The following TRPS1 variants were observed in gnomAD, a reference collection of about 807,000 sequenced individuals.
TRPS1 encodes zinc finger transcription factor Trps1.
In TRPS1, 6 loss-of-function variants were observed where a neutral mutation model predicts 101.2. The observed-to-expected ratio is 0.06, with a 90% CI of 0.03 to 0.12. The LOEUF (loss-of-function observed/expected upper bound fraction) is 0.12, where lower values mean the gene tolerates loss of function less well. Ranked by LOEUF, TRPS1 falls within the 10% of genes least tolerant of loss-of-function variation. The pLI is 1.00. For missense variants in TRPS1, 1,363 were observed against 1,567.0 expected (o/e 0.87, Z 2.20); for synonymous variants, 578 against 589.8 (o/e 0.98, Z 0.29).
chr8:115,436,425 G>A lies in TRPS1; in HGVS notation c.2701-17973C>T, dbSNP rs545965530. 2.9e-4 allele frequency among the ~76,000 whole-genome samples: 44 copies of A among 152,286 alleles called. 1 individual carries two copies. The South Asian group carries it at 8.9e-3, about 31-fold the overall frequency. On this transcript the variant is annotated intron_variant, in intron 5 of 6. Transcript: ENST00000395715. ...CACTTTCTTGAGAGGTCAAACCAAT[G>A]TCCTCAAATAGGGTCTTGTTGGGCA...
intron 5 of TRPS1, among the ~76,000 whole-genome samples, chr8:115,576,184 A>G (rs1483458423): frequency 6.6e-6 from 1 of 152,004 alleles, no homozygotes; most frequent in Admixed American, 6.6e-5. Flanking sequence ...AAATAATACA[A>G]TTTTTGAAGC....
intron 4 of TRPS1, among the ~76,000 whole-genome samples, chr8:115,587,937 A>G (rs1042995764): frequency 6.6e-6 from 1 of 152,210 alleles, no homozygotes; most frequent in Non-Finnish European, 1.5e-5. Context: ...GGTTAGTTTG[A>G]ATTACTGTTA....
intron 1 of TRPS1, among the ~76,000 whole-genome samples, chr8:115,636,313 T>C (rs1038069519): frequency 1.3e-5 from 2 of 152,196 alleles, no homozygotes; most frequent in African/African-American, 4.8e-5. Flanking sequence ...GGTTTTAAAA[T>C]CACTCTTGTC....
chr8:115,531,061 C>T (rs1816119126), intron 5 of TRPS1, among the ~76,000 whole-genome samples: 1 of 151,892 alleles, frequency 6.6e-6, no homozygotes, highest in Non-Finnish European at 1.5e-5. Context: ...TACATGTACC[C>T]TAGAACTTAA....
intron 6 of TRPS1, among the ~76,000 whole-genome samples, chr8:115,415,633 C>G (rs995519075): frequency 6.6e-6 from 1 of 152,026 alleles, no homozygotes; most frequent in Non-Finnish European, 1.5e-5. Context: ...GGGTGGGGCC[C>G]TAATCCAATG....
At chr8:115,619,068 A>G (rs1182158284) in intron 3 of TRPS1, 64 bp downstream of exon 3, 2 of 1,574,746 alleles carry the variant, frequency 1.3e-6, no homozygotes, top group Non-Finnish European at 1.7e-6. Flanking sequence ...TAACATGAAT[A>G]TAAGAATTCA....
In TRPS1 at chr8:115,591,356, G is replaced by A. The variant is rs1322775973; in HGVS notation, c.2097-3752C>T. The stretch of plus-strand genomic sequence containing the variant: ...GAATAAAGATGAAGGAATAGGGGTC[G>A]CTTAAGAATATTTCTAGATTGCAGA... On this transcript the variant is annotated intron_variant, in intron 4 of 6. Coordinates refer to ENST00000395715, the MANE Select transcript of TRPS1 (RefSeq NM_014112.5). Among the ~76,000 whole-genome samples the A allele has an allele frequency of 2.0e-5, 3 of 152,030 alleles. No homozygotes were observed. The East Asian group carries it at 5.8e-4, about 29-fold the overall frequency.
At chr8:115,455,779 T>C (rs202009919) in intron 5 of TRPS1, among the ~76,000 whole-genome samples, 11 of 82,012 alleles carry the variant, frequency 1.3e-4, no homozygotes, top group Non-Finnish European at 1.8e-4. Flanking sequence ...TTCTTTCTTT[T>C]TTTTTTTTTT....
chr8:115,466,843 C>T (rs1042222845), intron 5 of TRPS1, among the ~76,000 whole-genome samples: 4 of 151,970 alleles, frequency 2.6e-5, no homozygotes, highest in African/African-American at 9.7e-5. Context: ...ATTCTCCCAA[C>T]TTTAATTTCC....
intron 5 of TRPS1, among the ~76,000 whole-genome samples, chr8:115,554,659 C>T (rs953091239): frequency 2.0e-5 from 3 of 152,096 alleles, no homozygotes; most frequent in African/African-American, 7.2e-5. Context: ...AACAGCATAT[C>T]CCTCAAAGTC....
chr8:115,563,535 CCT>C (rs1329420275), intron 5 of TRPS1, among the ~76,000 whole-genome samples: 2 of 152,088 alleles, frequency 1.3e-5, no homozygotes, highest in Non-Finnish European at 2.9e-5. Context: ...TGTTTCATTT[CCT>C]CTCATGCAAA....
At chr8:115,500,659 T>C (rs928359279) in intron 5 of TRPS1, among the ~76,000 whole-genome samples, 9 of 152,102 alleles carry the variant, frequency 5.9e-5, no homozygotes, top group Non-Finnish European at 1.0e-4. Flanking sequence ...AAGCTCCGCC[T>C]CCCGGGTTCA....
At chr8:115,489,613 A>G (rs1343204307) in intron 5 of TRPS1, among the ~76,000 whole-genome samples, 1 of 152,150 alleles carries the variant, frequency 6.6e-6, no homozygotes, top group Non-Finnish European at 1.5e-5. Context: ...AGGCCACATT[A>G]TGTTTGAATT....
At chr8:115,442,927 T>TA (rs11380983) in intron 5 of TRPS1, among the ~76,000 whole-genome samples, 6,983 of 151,072 alleles carry the variant, frequency 0.046, 567 homozygotes, top group African/African-American at 0.16. Context: ...CCATCTCTAC[T>TA]AAAAAAAATA....
intron 2 of TRPS1, among the ~76,000 whole-genome samples, chr8:115,623,301 G>GT (rs1466661518): frequency 6.6e-6 from 1 of 151,888 alleles, no homozygotes; most frequent in Non-Finnish European, 1.5e-5. Context: ...TTTAGTTGCT[G>GT]TTTTTTAAAA....
At chr8:115,507,677 A>G (rs903270469) in intron 5 of TRPS1, among the ~76,000 whole-genome samples, 1 of 152,156 alleles carries the variant, frequency 6.6e-6, no homozygotes, top group Non-Finnish European at 1.5e-5. Flanking sequence ...TGACTTTTAC[A>G]GTACTATATA....
At chr8:115,551,819 G>C (rs1816712184) in intron 5 of TRPS1, among the ~76,000 whole-genome samples, 1 of 152,074 alleles carries the variant, frequency 6.6e-6, no homozygotes, top group Non-Finnish European at 1.5e-5. Flanking sequence ...ATCTAAATTG[G>C]GGAGAATACA....
intron 4 of TRPS1, among the ~76,000 whole-genome samples, chr8:115,597,110 A>C (rs1817806002): frequency 6.6e-6 from 1 of 151,990 alleles, no homozygotes; most frequent in Non-Finnish European, 1.5e-5. Context: ...TCTTTCTAAA[A>C]AATGCAATTA....
At chr8:115,588,372 G>A (rs1173600158) in intron 4 of TRPS1, among the ~76,000 whole-genome samples, 1 of 152,070 alleles carries the variant, frequency 6.6e-6, no homozygotes, top group Non-Finnish European at 1.5e-5. Flanking sequence ...CTATGAGAAC[G>A]TAAACACATT....
Sources: gnomAD v4.1 joint callset for allele counts (sites outside exome capture counted in the v4.1 genomes callset) on GRCh38, gnomAD v4.1.1 for gene constraint, MANE v1.5 for transcripts, NCBI Gene and HGNC (gene_info 2026-07-23, HGNC 2026-07-21) for gene names.